Variants in SH2B3 observed in about 807,000 individuals in gnomAD.
The protein encoded by SH2B3 is SH2B adapter protein 3.
A neutral mutation model predicts 51.9 loss-of-function variants in SH2B3; 43 were observed. The ratio of observed to expected loss-of-function variants is 0.83; its 90% CI spans 0.65 to 1.07. SH2B3 has a LOEUF of 1.07. SH2B3 is among the 50% of genes least tolerant of loss of function. The pLI, the probability that SH2B3 is intolerant of heterozygous loss-of-function variation, is 0.00. For synonymous variants in SH2B3, 396 were observed against 376.0 expected, an observed-to-expected ratio of 1.05 and a Z score of -0.62; for missense variants, 952 against 834.3, an observed-to-expected ratio of 1.14 and a Z score of -1.74.
intron 2 of SH2B3, among the ~76,000 whole-genome samples, chr12:111,432,368 T>C (rs1189714517): frequency 6.6e-6 from 1 of 152,084 alleles, no homozygotes; most frequent in Non-Finnish European, 1.5e-5. Flanking sequence ...TTTGCTGGTA[T>C]AGATGACCCT....
chr12:111,422,625 A>G (rs1871649360), intron 2 of SH2B3, among the ~76,000 whole-genome samples: 1 of 151,208 alleles, frequency 6.6e-6, no homozygotes, highest in South Asian at 2.1e-4. Flanking sequence ...CAGTGGCGCA[A>G]TCTCGGCTCA....
chr12:111,410,794 T>G lies in SH2B3; in HGVS notation c.-28+4517T>G, dbSNP rs975338532. 1.3e-5 allele frequency among the ~76,000 whole-genome samples: 2 copies of G among 152,348 alleles called. No homozygotes were observed. Among genetic ancestry groups the G allele is most frequent in the Non-Finnish European group, 2.9e-5 (2 of 68,026 alleles). On this transcript the variant is annotated intron_variant, in intron 1 of 7. Coordinates refer to ENST00000341259, the MANE Select transcript of SH2B3 (RefSeq NM_005475.3). This position sits in a 1 kb window ranked among gnomAD's most constrained non-coding sequence, Gnocchi z 4.9. Reference sequence around the variant, plus strand: ...TCTCTGCGTCTGGCAACTTGAATGCTGTGAAAGGGCAGCAGGCCGCCTGCC... The same window carrying G: ...TCTCTGCGTCTGGCAACTTGAATGCGGTGAAAGGGCAGCAGGCCGCCTGCC...
chr12:111,418,358 C>G lies in SH2B3; in HGVS notation c.213C>G (p.Phe71Leu). 2.0e-6 allele frequency: 3 copies of G among 1,521,554 alleles called. No individual in the cohort carries two copies. Among genetic ancestry groups the G allele is most frequent in the Non-Finnish European group, 2.6e-6 (3 of 1,140,326 alleles). The allele number at this position is 1,521,554 out of a possible 1,614,324, so 94.3% of individuals were successfully genotyped here. A position where few individuals can be genotyped will look rare whatever the true frequency, so the allele number is the denominator to read the frequency against. ...ELVSLQFTDL[F>L]QRYFCREVRD... is the part of the protein sequence containing the mutation. Reference sequence around the variant, plus strand: ...TGTCGCTGCAGTTCACCGACCTCTTCCAGCGCTACTTCTGCCGCGAGGTGC... The same window carrying G: ...TGTCGCTGCAGTTCACCGACCTCTTGCAGCGCTACTTCTGCCGCGAGGTGC... The change falls in exon 2 of 8, where the codon TTC becomes TTG. Residue 71 changes from phenylalanine (F) to leucine (L), a missense_variant. Transcript: ENST00000341259. The surrounding 1 kb of genome is among the most constrained non-coding windows in gnomAD (Gnocchi z 6.7).
chr12:111,439,652 C>G (rs1397058466), intron 2 of SH2B3, among the ~76,000 whole-genome samples: 1 of 152,232 alleles, frequency 6.6e-6, no homozygotes, highest in Non-Finnish European at 1.5e-5. Flanking sequence ...CATCATAGTT[C>G]ACGGCAGCCT....
chr12:111,423,432 C>T (rs1044385397), intron 2 of SH2B3, among the ~76,000 whole-genome samples: 10 of 152,120 alleles, frequency 6.6e-5, no homozygotes, highest in African/African-American at 1.2e-4. Context: ...TGCAGTGGCA[C>T]GGTGTCAGCT....
chr12:111,445,660 G>A (rs900649747), intron 2 of SH2B3, among the ~76,000 whole-genome samples: 4 of 152,252 alleles, frequency 2.6e-5, no homozygotes, highest in African/African-American at 9.6e-5. Context: ...GGAGCTCCCA[G>A]GAGACCTGCT....
chr12:111,408,920 C>G (rs144622137), intron 1 of SH2B3, among the ~76,000 whole-genome samples: 1 of 152,152 alleles, frequency 6.6e-6, no homozygotes, highest in East Asian at 1.9e-4. Flanking sequence ...AGGCACTGAG[C>G]GCTGAGCCTG....
At position 111,407,150 on chromosome 12, in the gene SH2B3, T is replaced by A. The variant is rs776506044; in HGVS notation, c.-28+873T>A. Among the ~76,000 whole-genome samples the A allele has an allele frequency of 1.1e-4, 17 of 152,140 alleles. No individual in the cohort carries two copies. The highest frequency in any genetic ancestry group is 2.5e-4 in the Non-Finnish European group (17 of 68,016). On this transcript the variant is annotated intron_variant, in intron 1 of 7. Coordinates refer to ENST00000341259, the MANE Select transcript of SH2B3 (RefSeq NM_005475.3). This position sits in a 1 kb window ranked among gnomAD's most constrained non-coding sequence, Gnocchi z 4.3. The stretch of plus-strand genomic sequence containing the variant: ...TGTCCCGCTTCTTTTTTTCTTTAGT[T>A]TCCTCATTCTCCTGTTTCTCTTCCC...
intron 6 of SH2B3, 42 bp downstream of exon 6, chr12:111,447,586 G>GCCTGCC: frequency 6.2e-7 from 1 of 1,606,702 alleles, no homozygotes. Context: ...GCAGGACCGT[G>GCCTGCC]CCACCCCTCT....
At chr12:111,440,121 T>C (rs1873267247) in intron 2 of SH2B3, among the ~76,000 whole-genome samples, 1 of 152,158 alleles carries the variant, frequency 6.6e-6, no homozygotes, top group Admixed American at 6.5e-5. Flanking sequence ...CCAGGTCCCA[T>C]GTTAAAATGC....
intron 2 of SH2B3, among the ~76,000 whole-genome samples, chr12:111,445,726 T>C (rs1043476970): frequency 3.3e-5 from 5 of 152,234 alleles, no homozygotes; most frequent in Non-Finnish European, 5.9e-5. Flanking sequence ...ACCTCACTGT[T>C]CATTGACTCT....
intron 2 of SH2B3, chr12:111,434,768 C>A: frequency 6.9e-7 from 1 of 1,453,688 alleles, no homozygotes; most frequent in East Asian, 2.5e-5. Flanking sequence ...TTATGGGTGG[C>A]TGGTGTGATT....
rs990246192 is a variant in SH2B3 at position 111,438,169 on chromosome 12, A to C, written c.733-8584A>C. Among the ~76,000 whole-genome samples, 2 of 142,108 alleles carry C rather than the reference A, an allele frequency of 1.4e-5. No homozygotes were observed. Among genetic ancestry groups the C allele is most frequent in the African/African-American group, 5.2e-5 (2 of 38,426 alleles). The allele number at this position is 142,108 out of a possible 152,430, so 93.2% of individuals were successfully genotyped here. ...ATCACAAATGCAGGGGCTGGGTGGC[A>C]GGGGAAGGTGTGGGCGGGAAGGCGG... On this transcript the variant is annotated intron_variant, in intron 2 of 7. Transcript: ENST00000341259. This position sits in a 1 kb window ranked among gnomAD's most constrained non-coding sequence, Gnocchi z 4.2.
Position 111,447,525 on chromosome 12 carries a change from A to G in SH2B3, c.1217A>G (p.Asn406Ser). The change falls in exon 6 of 8, where the codon AAC (asparagine) becomes AGC (serine). Residue 406 changes from asparagine (N) to serine (S), a missense_variant. By Grantham distance (46) the Asn-to-Ser change is conservative. Transcript: ENST00000341259. ...TRRGEYVLTFNFQGIAKHLRL... is the reference protein window; with the variant it reads ...TRRGEYVLTFSFQGIAKHLRL... ...CGTGGGGAATACGTGCTCACTTTCA[A>G]CTTTCAGGGGATAGCCAAGGTATGG... The G allele has an allele frequency of 1.7e-6, 2 of 1,188,972 alleles. No homozygotes were observed. The highest frequency in any genetic ancestry group is 2.3e-6 in the Non-Finnish European group (2 of 888,604). The allele number at this position is 1,188,972 out of a possible 1,614,324, so 73.7% of individuals were successfully genotyped here.
At chr12:111,422,477 A>T (rs1168652872) in intron 2 of SH2B3, among the ~76,000 whole-genome samples, 1 of 151,976 alleles carries the variant, frequency 6.6e-6, no homozygotes, top group Non-Finnish European at 1.5e-5. Context: ...GATTTGTAAA[A>T]GTCGTTATAT....
chr12:111,450,734 A>C lies in SH2B3; in HGVS notation c.*2432A>C, dbSNP rs1874507819. The C allele has an allele frequency of 6.5e-6, 1 of 152,754 alleles. No homozygotes were observed. Among genetic ancestry groups the C allele is most frequent in the African/African-American group, 2.4e-5 (1 of 41,468 alleles). 9.5% of individuals were successfully genotyped at this position (152,754 alleles called of 1,614,324 possible). ...CCCGTCCAAGTTACCAGGACAGCTCAAAAACATGCTGACAGAAAACTCCCA... is the reference window on the plus strand; with the variant it reads ...CCCGTCCAAGTTACCAGGACAGCTCCAAAACATGCTGACAGAAAACTCCCA... On this transcript the variant is annotated 3_prime_UTR_variant, in exon 8 of 8. Coordinates refer to ENST00000341259, the MANE Select transcript of SH2B3 (RefSeq NM_005475.3).
At chr12:111,413,523 G>T (rs1870860525) in intron 1 of SH2B3, among the ~76,000 whole-genome samples, 1 of 152,230 alleles carries the variant, frequency 6.6e-6, no homozygotes, top group Non-Finnish European at 1.5e-5. Context: ...GGCAGTGAGG[G>T]ACCTGGAGTG....
Position 111,409,415 on chromosome 12 carries a change from C to T in SH2B3, c.-28+3138C>T, listed in dbSNP as rs894599394. 1.3e-5 allele frequency among the ~76,000 whole-genome samples: 2 copies of T among 152,320 alleles called. No individual in the cohort carries two copies. ...TTGCCAGGTTTCCTGGGAAAACGGT[C>T]CCCAAGGGCCCGCGGGCGTTCAGCA... On this transcript the variant is annotated intron_variant, in intron 1 of 7. Transcript: ENST00000341259. This position sits in a 1 kb window ranked among gnomAD's most constrained non-coding sequence, Gnocchi z 4.0.
chr12:111,431,562 G>T (rs1479888564), intron 2 of SH2B3, among the ~76,000 whole-genome samples: 1 of 151,440 alleles, frequency 6.6e-6, no homozygotes, highest in Non-Finnish European at 1.5e-5. Context: ...TTCCATTTTG[G>T]TAGATGTCAT....
Sources: gnomAD v4.1 joint callset for allele counts (sites outside exome capture counted in the v4.1 genomes callset) on GRCh38, gnomAD v4.1.1 for gene constraint, Gnocchi (gnomAD v3.1) non-coding constraint, MANE v1.5 for transcripts, NCBI Gene and HGNC (gene_info 2026-07-23, HGNC 2026-07-21) for gene names.